PRKG1: variants seen among roughly 807,000 people sequenced by gnomAD.
The protein encoded by PRKG1 is cGMP-dependent protein kinase 1.
In PRKG1, 35 loss-of-function variants were observed where a neutral mutation model predicts 88.1. The ratio of observed to expected loss-of-function variants is 0.40; its 90% CI spans 0.30 to 0.53. The LOEUF (loss-of-function observed/expected upper bound fraction) is 0.53, where lower values mean the gene tolerates loss of function less well. Among genes scored for constraint, PRKG1 ranks in the 20% least tolerant of loss-of-function variants. PRKG1 has a pLI of 0.59. For synonymous variants in PRKG1, 303 were observed against 292.5 expected, an observed-to-expected ratio of 1.04 and a Z score of -0.37; for missense variants, 540 against 839.8, an observed-to-expected ratio of 0.64 and a Z score of 4.41.
chr10:51,340,525 G>C (rs920200090), intron 2 of PRKG1, among the ~76,000 whole-genome samples: 9 of 152,140 alleles, frequency 5.9e-5, no homozygotes, highest in Non-Finnish European at 7.4e-5. Flanking sequence ...GTTAAACATA[G>C]ATGAATATGC....
chr10:51,702,841 G>A (rs761518893), intron 3 of PRKG1, among the ~76,000 whole-genome samples: 10 of 152,008 alleles, frequency 6.6e-5, no homozygotes, highest in Non-Finnish European at 1.5e-4. Context: ...CTACAGGCGT[G>A]TGCCACTACT....
intron 3 of PRKG1, among the ~76,000 whole-genome samples, chr10:51,679,669 A>C (rs961685966): frequency 2.7e-5 from 4 of 148,266 alleles, no homozygotes; most frequent in Admixed American, 6.7e-5. Context: ...GTTCTGTGAT[A>C]GTGAGGCAGG....
intron 1 of PRKG1, among the ~76,000 whole-genome samples, chr10:50,994,842 G>C (rs1407248124): frequency 6.7e-6 from 1 of 149,212 alleles, no homozygotes; most frequent in East Asian, 1.9e-4. Flanking sequence ...GATTGTGCCT[G>C]GACTAAACAT....
chr10:51,061,851 T>G (rs1352636392), intron 1 of PRKG1, among the ~76,000 whole-genome samples: 1 of 152,244 alleles, frequency 6.6e-6, no homozygotes, highest in Non-Finnish European at 1.5e-5. Flanking sequence ...TACCAACATT[T>G]GTATCACATT....
chr10:51,904,104 A>G (rs978737375), intron 4 of PRKG1, among the ~76,000 whole-genome samples: 5 of 152,162 alleles, frequency 3.3e-5, no homozygotes, highest in African/African-American at 7.2e-5. Flanking sequence ...ACATTAGATC[A>G]TCTCTATTAT....
At chr10:51,595,697 A>C (rs1413791715) in intron 3 of PRKG1, among the ~76,000 whole-genome samples, 1 of 152,032 alleles carries the variant, frequency 6.6e-6, no homozygotes, top group African/African-American at 2.4e-5. Flanking sequence ...GGATCCTCTT[A>C]CCTAAGTTTG....
chr10:52,181,110 C>T (rs1839014111), intron 9 of PRKG1, among the ~76,000 whole-genome samples: 1 of 152,156 alleles, frequency 6.6e-6, no homozygotes, highest in African/African-American at 2.4e-5. Context: ...AACCTGGGGG[C>T]TTGTCTGCTA....
chr10:51,791,689 A>AG (rs1345987723), intron 3 of PRKG1, among the ~76,000 whole-genome samples: 1 of 152,156 alleles, frequency 6.6e-6, no homozygotes, highest in East Asian at 1.9e-4. Flanking sequence ...AGCAAGGTAT[A>AG]GTGGCAAAAG....
chr10:51,375,226 T>C (rs1842793472), intron 2 of PRKG1, among the ~76,000 whole-genome samples: 1 of 151,902 alleles, frequency 6.6e-6, no homozygotes, highest in African/African-American at 2.4e-5. Context: ...AACTTGTATA[T>C]GCATTGGAGT....
intron 1 of PRKG1, among the ~76,000 whole-genome samples, chr10:51,016,663 ATTATCCTTTCTT>A (rs1843065068): frequency 3.0e-5 from 1 of 33,248 alleles, no homozygotes; most frequent in African/African-American, 1.4e-4. Context: ...AGAAGGTATT[ATTATCCTTTCTT>A]TTTTTTTTTT....
chr10:52,143,748 C>T (rs1263460607), intron 8 of PRKG1, among the ~76,000 whole-genome samples: 1 of 152,124 alleles, frequency 6.6e-6, no homozygotes, highest in African/African-American at 2.4e-5. Flanking sequence ...GAAGTATCTC[C>T]CCAATACCTT....
chr10:52,244,024 C>T (rs973321463), intron 9 of PRKG1, among the ~76,000 whole-genome samples: 2 of 152,074 alleles, frequency 1.3e-5, no homozygotes, highest in Non-Finnish European at 2.9e-5. Context: ...ATTATATTTT[C>T]CAGAGTAAAT....
intron 2 of PRKG1, among the ~76,000 whole-genome samples, chr10:51,392,558 G>A (rs1035322024): frequency 2.6e-5 from 4 of 151,888 alleles, no homozygotes; most frequent in African/African-American, 7.3e-5. Context: ...GCAACCATCC[G>A]ATTTCTCAAT....
At chr10:51,783,906 G>A (rs1838661787) in intron 3 of PRKG1, among the ~76,000 whole-genome samples, 1 of 152,146 alleles carries the variant, frequency 6.6e-6, no homozygotes, top group Admixed American at 6.6e-5. Flanking sequence ...TTGAAAACAA[G>A]CCACAGTCCT....
At chr10:52,264,512 C>G (rs1036960688) in intron 10 of PRKG1, among the ~76,000 whole-genome samples, 6 of 151,890 alleles carry the variant, frequency 4.0e-5, no homozygotes, top group African/African-American at 1.5e-4. Flanking sequence ...AACGTAAAAT[C>G]ATATACCTTG....
At chr10:51,233,221 C>T (rs1357908531) in intron 2 of PRKG1, among the ~76,000 whole-genome samples, 3 of 152,168 alleles carry the variant, frequency 2.0e-5, no homozygotes, top group Admixed American at 6.5e-5. Context: ...TCTGAGACCA[C>T]GTTTGACATT....
chr10:51,444,219 A>G (rs554597119), intron 2 of PRKG1, among the ~76,000 whole-genome samples: 1 of 151,686 alleles, frequency 6.6e-6, no homozygotes, highest in East Asian at 1.9e-4. Flanking sequence ...GGTCTGGGAA[A>G]CAGTGAGGGC....
At chr10:52,213,186 T>G (rs1840026233) in intron 9 of PRKG1, among the ~76,000 whole-genome samples, 1 of 151,674 alleles carries the variant, frequency 6.6e-6, no homozygotes, top group African/African-American at 2.4e-5. Context: ...AAAATAAAAA[T>G]AAAAATAAAA....
chr10:51,812,962 G>C (rs192960060), intron 4 of PRKG1, among the ~76,000 whole-genome samples: 1 of 152,084 alleles, frequency 6.6e-6, no homozygotes, highest in South Asian at 2.1e-4. Flanking sequence ...CATCTTCAAG[G>C]TTCTCCTCTC....
Sources: allele counts gnomAD v4.1 joint callset (sites outside exome capture counted in the v4.1 genomes callset), GRCh38; gene constraint gnomAD v4.1.1; transcripts MANE v1.5; gene names NCBI Gene and HGNC (gene_info 2026-07-23, HGNC 2026-07-21).